The following DOCK4 variants were observed in gnomAD, a reference collection of about 807,000 sequenced individuals.
DOCK4 encodes the protein dedicator of cytokinesis protein 4.
DOCK4 carries 97 observed loss-of-function variants against 268.1 expected under a neutral mutation model. That is an observed-to-expected ratio of 0.36 (90% CI 0.31 to 0.43). The LOEUF is 0.43. DOCK4 is among the 20% of genes least tolerant of loss of function. The pLI is 1.00. For synonymous variants in DOCK4, 954 were observed against 887.2 expected (o/e 1.08, Z -1.34); for missense variants, 2,145 against 2,455.7 (o/e 0.87, Z 2.67).
intron 37 of DOCK4, among the ~76,000 whole-genome samples, chr7:111,768,813 A>T (rs1797929520): frequency 6.6e-6 from 1 of 152,230 alleles, no homozygotes; most frequent in African/African-American, 2.4e-5. Context: ...AGTGTGAAGG[A>T]TGATAATGGT....
chr7:112,046,186 A>G (rs553219929), intron 1 of DOCK4, among the ~76,000 whole-genome samples: 390 of 152,112 alleles, frequency 2.6e-3, no homozygotes, highest in South Asian at 0.017. Flanking sequence ...AAAAAAAGCA[A>G]TCCTAGCCCA....
intron 1 of DOCK4, among the ~76,000 whole-genome samples, chr7:112,046,136 C>T (rs75693355): frequency 0.036 from 5,409 of 152,208 alleles, 307 homozygotes; most frequent in African/African-American, 0.12. Context: ...ATTGGATATA[C>T]TTGGCATTTA....
intron 1 of DOCK4, among the ~76,000 whole-genome samples, chr7:112,182,925 A>C (rs1336061239): frequency 6.6e-6 from 1 of 152,252 alleles, no homozygotes; most frequent in Admixed American, 6.5e-5. Context: ...CCTGGGCCCC[A>C]GCACAGCTGG....
At chr7:112,009,361 G>C (rs1801110732) in intron 1 of DOCK4, among the ~76,000 whole-genome samples, 1 of 152,198 alleles carries the variant, frequency 6.6e-6, no homozygotes, top group African/African-American at 2.4e-5. Context: ...AACACACAAA[G>C]CTACTCTTCT....
intron 12 of DOCK4, among the ~76,000 whole-genome samples, chr7:111,917,983 T>C (rs886498488): frequency 2.0e-5 from 3 of 152,190 alleles, no homozygotes; most frequent in Non-Finnish European, 4.4e-5. Context: ...CTTTCAATAA[T>C]AGAGCAAACA....
chr7:112,052,299 T>A (rs1054818510), intron 1 of DOCK4, among the ~76,000 whole-genome samples: 1 of 152,178 alleles, frequency 6.6e-6, no homozygotes. Context: ...TACATATATA[T>A]GTAGCTAGAC....
intron 15 of DOCK4, among the ~76,000 whole-genome samples, chr7:111,897,706 C>T (rs1343934239): frequency 6.6e-6 from 1 of 152,196 alleles, no homozygotes. Flanking sequence ...GTAGACCAAC[C>T]ACTGAACTGT....
chr7:111,933,794 G>C (rs1164893399), intron 12 of DOCK4, among the ~76,000 whole-genome samples: 1 of 152,046 alleles, frequency 6.6e-6, no homozygotes, highest in Non-Finnish European at 1.5e-5. Flanking sequence ...TAAAACCCAA[G>C]TTATCTCTCC....
At chr7:112,180,642 C>T (rs923037221) in intron 1 of DOCK4, among the ~76,000 whole-genome samples, 1 of 152,096 alleles carries the variant, frequency 6.6e-6, no homozygotes, top group African/African-American at 2.4e-5. Flanking sequence ...AGCATGAGCT[C>T]CCTGCCTGTA....
chr7:112,025,432 T>C (rs1373015857), intron 1 of DOCK4, among the ~76,000 whole-genome samples: 3 of 152,188 alleles, frequency 2.0e-5, no homozygotes, highest in Non-Finnish European at 4.4e-5. Flanking sequence ...GTGAGACCTA[T>C]GAGACTTCTT....
At chr7:112,146,068 C>T (rs983721575) in intron 1 of DOCK4, among the ~76,000 whole-genome samples, 1 of 152,182 alleles carries the variant, frequency 6.6e-6, no homozygotes, top group Admixed American at 6.5e-5. Flanking sequence ...AAGGATCCAA[C>T]ATCTAAAATC....
chr7:111,985,720 A>C (rs1323149711), intron 6 of DOCK4, among the ~76,000 whole-genome samples: 1 of 152,160 alleles, frequency 6.6e-6, no homozygotes, highest in Non-Finnish European at 1.5e-5. Context: ...AAAAAAATTC[A>C]CACACCCATT....
chr7:111,822,969 G>A (rs2133971439), intron 26 of DOCK4, among the ~76,000 whole-genome samples: 1 of 152,292 alleles, frequency 6.6e-6, no homozygotes, highest in African/African-American at 2.4e-5. Flanking sequence ...TGGAATGTAT[G>A]CAGGTTTATA....
At chr7:111,738,518 G>C (rs1363717589) in intron 49 of DOCK4, among the ~76,000 whole-genome samples, 2 of 152,136 alleles carry the variant, frequency 1.3e-5, no homozygotes, top group Non-Finnish European at 2.9e-5. Flanking sequence ...GCAAACACAG[G>C]CACTTTATTC....
intron 1 of DOCK4, among the ~76,000 whole-genome samples, chr7:112,163,186 A>G (rs1817293447): frequency 6.6e-6 from 1 of 152,256 alleles, no homozygotes; most frequent in Non-Finnish European, 1.5e-5. Flanking sequence ...GCTTCACTCA[A>G]GTTATAAGAC....
intron 1 of DOCK4, among the ~76,000 whole-genome samples, chr7:112,091,945 T>C (rs900661890): frequency 5.9e-5 from 9 of 152,190 alleles, no homozygotes; most frequent in Non-Finnish European, 1.3e-4. Context: ...CATTTGACCA[T>C]GTCAGTTGCA....
chr7:111,731,482 C>T (rs569470324), intron 52 of DOCK4, among the ~76,000 whole-genome samples: 1 of 152,246 alleles, frequency 6.6e-6, no homozygotes, highest in East Asian at 1.9e-4. Flanking sequence ...TCTGGTGCAG[C>T]AGTTCTGAAC....
At chr7:112,136,269 A>G (rs1814337023) in intron 1 of DOCK4, among the ~76,000 whole-genome samples, 1 of 152,202 alleles carries the variant, frequency 6.6e-6, no homozygotes, top group South Asian at 2.1e-4. Context: ...CAACACACAT[A>G]AAGCCATTAT....
At chr7:111,876,777 G>C (rs1806926334) in intron 17 of DOCK4, among the ~76,000 whole-genome samples, 1 of 150,098 alleles carries the variant, frequency 6.7e-6, no homozygotes, top group Non-Finnish European at 1.5e-5. Context: ...AAGCATCTGG[G>C]TTTTGATGGT....
Sources: allele counts gnomAD v4.1 joint callset (sites outside exome capture counted in the v4.1 genomes callset), GRCh38; gene constraint gnomAD v4.1.1; transcripts MANE v1.5; gene names NCBI Gene and HGNC (gene_info 2026-07-23, HGNC 2026-07-21).